Variants in ARNT observed in about 807,000 individuals in gnomAD.
ARNT encodes aryl hydrocarbon receptor nuclear translocator.
A neutral mutation model predicts 105.0 loss-of-function variants in ARNT; 30 were observed. The observed-to-expected ratio is 0.29, with a 90% CI of 0.21 to 0.39. ARNT has a LOEUF of 0.39. Ranked by LOEUF, ARNT falls within the 10% of genes least tolerant of loss-of-function variation. ARNT has a pLI of 1.00. For synonymous variants in ARNT, 304 were observed against 344.0 expected (o/e 0.88, Z 1.29); for missense variants, 748 against 978.7 (o/e 0.76, Z 3.15).
At chr1:150,836,648 A>ATG in intron 6 of ARNT, 155 bp from the exon 7 acceptor site, 1 of 735,710 alleles carries the variant, frequency 1.4e-6, no homozygotes, top group South Asian at 2.0e-5. Flanking sequence ...TCCACCCTAA[A>ATG]TGTAGTTCAT....
intron 1 of ARNT, among the ~76,000 whole-genome samples, chr1:150,876,252 A>G (rs2102558564): frequency 6.6e-6 from 1 of 152,300 alleles, no homozygotes; most frequent in South Asian, 2.1e-4. Context: ...ACGCCGACCG[A>G]GGAGTGAGGG....
At chr1:150,830,520 T>C (rs10305711) in intron 10 of ARNT, 52,426 of 152,132 alleles carry the variant, frequency 0.34, 9,370 homozygotes, top group South Asian at 0.53. Context: ...ATTTTACCCA[T>C]GTTAATTATA....
At position 150,836,424 on chromosome 1, in the gene ARNT, C is replaced by T; in HGVS notation, c.556G>A (p.Val186Met). The change falls in exon 7 of 22, where the codon GTG (valine) becomes ATG (methionine). Residue 186 changes from valine (V) to methionine (M), a missense_variant. By Grantham distance (21) the Val-to-Met change is conservative. Coordinates refer to ENST00000358595, the MANE Select transcript of ARNT (RefSeq NM_001668.4). ...LFIVSCETGR[V>M]VYVSDSVTPV... ...GTCACGGAGTCAGACACATACACCA[C>T]CCTGCCTGTCTCACATGAGACAATA... is the stretch of plus-strand genomic sequence containing the variant. 6.2e-7 allele frequency: 1 copy of T among 1,614,162 alleles called. No individual in the cohort carries two copies. The highest frequency in any genetic ancestry group is 8.5e-7 in the Non-Finnish European group (1 of 1,180,018).
chr1:150,871,404 G>C (rs1040999974), intron 1 of ARNT, among the ~76,000 whole-genome samples: 1 of 147,680 alleles, frequency 6.8e-6, no homozygotes, highest in Non-Finnish European at 1.5e-5. Flanking sequence ...AGGTTCAAGC[G>C]ATTCTCCCGC....
chr1:150,821,015 G>T (rs772779252), intron 14 of ARNT, among the ~76,000 whole-genome samples: 1 of 152,146 alleles, frequency 6.6e-6, no homozygotes, highest in Non-Finnish European at 1.5e-5. Flanking sequence ...AGTTGAACAC[G>T]TTTTGTATGT....
At chr1:150,866,888 A>G (rs1337043709) in intron 1 of ARNT, among the ~76,000 whole-genome samples, 1 of 152,198 alleles carries the variant, frequency 6.6e-6, no homozygotes, top group Non-Finnish European at 1.5e-5. Flanking sequence ...TGGTGAGTAC[A>G]TACATATATA....
At chr1:150,853,279 CT>C in intron 2 of ARNT, 1 of 375,376 alleles carries the variant, frequency 2.7e-6, no homozygotes. Context: ...AAGACTCCAT[CT>C]CAAAAAAAAA....
At chr1:150,830,864 C>CT (rs1659246965) in intron 10 of ARNT, among the ~76,000 whole-genome samples, 1 of 152,202 alleles carries the variant, frequency 6.6e-6, no homozygotes. Context: ...AGATCACATA[C>CT]TTTAACTGTG....
intron 5 of ARNT, among the ~76,000 whole-genome samples, chr1:150,840,645 G>A (rs776606524): frequency 3.3e-5 from 5 of 152,126 alleles, no homozygotes; most frequent in African/African-American, 9.7e-5. Context: ...GTCCCATATG[G>A]GTCCCCAGTC....
At chr1:150,836,218 T>C (rs1288756376) in intron 7 of ARNT, 62 bp downstream of exon 7, 1 of 1,538,186 alleles carries the variant, frequency 6.5e-7, no homozygotes, top group Non-Finnish European at 8.9e-7. Context: ...AAACATCTCT[T>C]AAGTCTCAGG....
chr1:150,823,115 C>T lies in ARNT; in HGVS notation c.1394+79G>A, dbSNP rs978629733. ...GTGTTGTTGCTTGATTGTTTACCCC[C>T]CACATAGGGCATCAGAAGTGTTTTC... is the stretch of plus-strand genomic sequence containing the variant. On this transcript the variant is annotated intron_variant, in intron 14 of 21. Coordinates refer to ENST00000358595, the MANE Select transcript of ARNT (RefSeq NM_001668.4). 9 of 1,346,556 alleles carry T rather than the reference C, an allele frequency of 6.7e-6. No homozygotes were observed. The African/African-American group carries it at 1.0e-4, about 15-fold the overall frequency. The allele number at this position is 1,346,556 out of a possible 1,614,324, so 83.4% of individuals were successfully genotyped here.
intron 1 of ARNT, chr1:150,861,228 T>C (rs1220521442): frequency 9.0e-6 from 3 of 332,488 alleles, no homozygotes; most frequent in Admixed American, 4.7e-5. Flanking sequence ...AAAATAAAAC[T>C]GGGTGCAGTG....
chr1:150,836,679 A>C (rs1322734212), intron 6 of ARNT, among the ~76,000 whole-genome samples, 186 bp from the exon 7 acceptor site: 1 of 152,196 alleles, frequency 6.6e-6, no homozygotes, highest in Non-Finnish European at 1.5e-5. Context: ...GTTTTTTCTA[A>C]TACATGTTTC....
chr1:150,812,510 T>C (rs1008452187), intron 21 of ARNT: 10 of 159,370 alleles, frequency 6.3e-5, no homozygotes, highest in South Asian at 2.0e-4. Context: ...CTCCATTCAC[T>C]CTTGCAGTCC....
intron 1 of ARNT, among the ~76,000 whole-genome samples, chr1:150,873,359 G>A (rs1482165616): frequency 6.6e-6 from 1 of 151,068 alleles, no homozygotes; most frequent in Non-Finnish European, 1.5e-5. Context: ...ACAGCCTAAA[G>A]TTTCATGGAC....
intron 2 of ARNT, among the ~76,000 whole-genome samples, chr1:150,853,604 T>C (rs1268460479): frequency 6.6e-6 from 1 of 152,202 alleles, no homozygotes. Flanking sequence ...CTAATAAACA[T>C]GTAATATATA....
At chr1:150,843,573 C>A (rs587705249) in intron 4 of ARNT, among the ~76,000 whole-genome samples, 23 of 152,256 alleles carry the variant, frequency 1.5e-4, no homozygotes, top group African/African-American at 5.5e-4. Context: ...AGAAGGAGAA[C>A]TGAGTGATAT....
chr1:150,815,233 T>C (rs1302514481), intron 19 of ARNT, among the ~76,000 whole-genome samples: 7 of 152,050 alleles, frequency 4.6e-5, no homozygotes, highest in Admixed American at 1.3e-4. Context: ...TTGTGCGTTA[T>C]ATTATATATA....
At position 150,817,980 on chromosome 1, in the gene ARNT, G is replaced by C; in HGVS notation, c.1445C>G (p.Pro482Arg). The change falls in exon 15 of 22, where the codon CCA becomes CGA. Residue 482 changes from proline (P) to arginine (R), a missense_variant. Around this residue, in one of 4 missense-constraint regions of ARNT, gnomAD observed 360 missense variants for 411.9 expected, o/e 0.87. Transcript: ENST00000358595. ...TAAATTAGCTGTGGGACCTAGTTGT[G>C]GCCTCTGGATTGTGTTGGAGAGTGT... ...RPTLSNTIQR[P>R]QLGPTANLPL... The C allele has an allele frequency of 6.2e-7, 1 of 1,613,724 alleles. No individual in the cohort carries two copies. Among genetic ancestry groups the C allele is most frequent in the African/African-American group, 1.3e-5 (1 of 74,908 alleles).
Sources: allele counts gnomAD v4.1 joint callset (sites outside exome capture counted in the v4.1 genomes callset), GRCh38; gene constraint gnomAD v4.1.1; regional missense constraint gnomAD v4.1.1; transcripts MANE v1.5; gene names NCBI Gene and HGNC (gene_info 2026-07-23, HGNC 2026-07-21).